The following OCA2 variants were observed in gnomAD, a reference collection of about 807,000 sequenced individuals.
OCA2 encodes P protein.
A neutral mutation model predicts 100.2 loss-of-function variants in OCA2; 77 were observed. The ratio of observed to expected loss-of-function variants is 0.77; its 90% CI spans 0.64 to 0.93. The LOEUF (loss-of-function observed/expected upper bound fraction) is 0.93, where lower values mean the gene tolerates loss of function less well. Ranked by LOEUF, OCA2 falls within the 40% of genes least tolerant of loss-of-function variation. The pLI is 0.00. For synonymous variants in OCA2, 432 were observed against 439.2 expected (o/e 0.98, Z 0.21); for missense variants, 1,062 against 1,089.1 (o/e 0.98, Z 0.35).
At chr15:27,806,006 T>A (rs566943245) in intron 23 of OCA2, among the ~76,000 whole-genome samples, 1 of 152,208 alleles carries the variant, frequency 6.6e-6, no homozygotes, top group African/African-American at 2.4e-5. Flanking sequence ...TGACAAACTA[T>A]TTAGAAAGTA....
chr15:27,876,302 G>A (rs921118798), intron 19 of OCA2, among the ~76,000 whole-genome samples: 2 of 151,942 alleles, frequency 1.3e-5, no homozygotes, highest in African/African-American at 4.8e-5. Context: ...TTGGATTTCT[G>A]GAATAAACTT....
intron 19 of OCA2, among the ~76,000 whole-genome samples, chr15:27,916,345 A>G (rs1337362353): frequency 1.3e-5 from 2 of 152,100 alleles, no homozygotes; most frequent in African/African-American, 4.8e-5. Context: ...CGAACCCAAA[A>G]TGCAAATTGG....
At chr15:28,035,541 T>C (rs1462216635) in intron 2 of OCA2, among the ~76,000 whole-genome samples, 6 of 152,198 alleles carry the variant, frequency 3.9e-5, no homozygotes, top group African/African-American at 1.4e-4. Flanking sequence ...AAAATAAAAA[T>C]GGTGGTCCAC....
chr15:27,734,214 C>T, the OCA2 span, among the ~76,000 whole-genome samples: 11 of 137,426 alleles, frequency 8.0e-5, no homozygotes, highest in African/African-American at 2.5e-4. Flanking sequence ...CAGAATAGTG[C>T]AATCACTCTC....
chr15:27,900,831 C>T lies in OCA2; in HGVS notation c.2079+25296G>A, dbSNP rs115841205. 3.2e-3 allele frequency among the ~76,000 whole-genome samples: 493 copies of T among 152,274 alleles called. 2 individuals carry two copies. Among genetic ancestry groups the T allele is most frequent in the African/African-American group, 0.011 (477 of 41,556 alleles). On this transcript the variant is annotated intron_variant, in intron 19 of 23. Coordinates refer to ENST00000354638, the MANE Select transcript of OCA2 (RefSeq NM_000275.3). Reference sequence around the variant, plus strand: ...CCCAGTTCATGCACACCTTGGCACTCGAGTACAGACACAACACCAAGGTCT... The same window carrying T: ...CCCAGTTCATGCACACCTTGGCACTTGAGTACAGACACAACACCAAGGTCT...
At chr15:27,749,615 T>TAATAA in the OCA2 span, among the ~76,000 whole-genome samples, 7 of 152,166 alleles carry the variant, frequency 4.6e-5, no homozygotes, top group Admixed American at 1.3e-4. Flanking sequence ...TTTTTAATTC[T>TAATAA]GTAACTAATA....
At chr15:27,894,459 G>T (rs560649675) in intron 19 of OCA2, among the ~76,000 whole-genome samples, 1 of 152,212 alleles carries the variant, frequency 6.6e-6, no homozygotes, top group African/African-American at 2.4e-5. Context: ...CTGCTTAGCA[G>T]AATTCGTATA....
At chr15:28,070,333 C>A (rs1405382425) in intron 2 of OCA2, among the ~76,000 whole-genome samples, 1 of 141,762 alleles carries the variant, frequency 7.1e-6, no homozygotes, top group Non-Finnish European at 1.5e-5. Flanking sequence ...GCCCCCCGCC[C>A]GGCCAGCCGC....
intron 19 of OCA2, among the ~76,000 whole-genome samples, chr15:27,913,888 AAAGAAAGCAAGCAAGCAAGCAAGC>A (rs1398073160): frequency 8.7e-5 from 5 of 57,342 alleles, no homozygotes; most frequent in African/African-American, 3.8e-4. Flanking sequence ...AGAAAGAAAG[AAAGAAAGCAAGCAAGCAAGCAAGC>A]AAGCAAGCAA....
intron 6 of OCA2, among the ~76,000 whole-genome samples, chr15:28,019,356 GC>G (rs66666004): frequency 0.54 from 81,678 of 151,398 alleles, 26,991 homozygotes; most frequent in Non-Finnish European, 0.75. Context: ...CAAGGACGGC[GC>G]CCTTAACTGA....
chr15:27,814,737 G>A (rs2034212152), intron 23 of OCA2, among the ~76,000 whole-genome samples: 1 of 152,076 alleles, frequency 6.6e-6, no homozygotes, highest in African/African-American at 2.4e-5. Context: ...AATTAGCTGG[G>A]TGTGGTGATG....
rs752639503 is a variant in OCA2, at chr15:27,950,586, T to C, written c.1951+1198A>G. Reference sequence around the variant, plus strand: ...CCACCTGGCAAGTTGGATTTGAGATTATCAAGAGAAAGAAATGGAGGGGCT... The same window carrying C: ...CCACCTGGCAAGTTGGATTTGAGATCATCAAGAGAAAGAAATGGAGGGGCT... On this transcript the variant is annotated intron_variant, in intron 18 of 23. Coordinates refer to ENST00000354638, the MANE Select transcript of OCA2 (RefSeq NM_000275.3). 2.3e-5 allele frequency: 12 copies of C among 514,258 alleles called. No homozygotes were observed. The East Asian group carries it at 6.6e-4, about 28-fold the overall frequency. The allele number at this position is 514,258 out of a possible 1,614,324, so 31.9% of individuals were successfully genotyped here. A position where few individuals can be genotyped will look rare whatever the true frequency, so the allele number is the denominator to read the frequency against.
intron 2 of OCA2, among the ~76,000 whole-genome samples, chr15:28,056,801 C>A (rs2043713599): frequency 6.6e-6 from 1 of 152,244 alleles, no homozygotes; most frequent in African/African-American, 2.4e-5. Context: ...GGGCTCCACA[C>A]TATATGAATA....
rs1367553457 is a variant in OCA2 at position 28,081,648 on chromosome 15, C to G, written c.227G>C (p.Arg76Thr). ...CAAGATGGCACTATTTTAAACTCAC[C>G]TCCCTTTTGTGAGGAATGAAGCAAA... ...QEFASFLTKG[R>T]SHSSLPQMSS... Residue 76 changes from arginine to threonine, a missense_variant and splice_region_variant, in exon 2 of 24, where the codon AGG (arginine) becomes ACG (threonine). Transcript: ENST00000354638. 6.2e-7 allele frequency: 1 copy of G among 1,613,286 alleles called. No individual in the cohort carries two copies. The highest frequency in any genetic ancestry group is 8.5e-7 in the Non-Finnish European group (1 of 1,179,722).
At chr15:27,971,234 A>G (rs1029776154) in intron 14 of OCA2, among the ~76,000 whole-genome samples, 1 of 152,192 alleles carries the variant, frequency 6.6e-6, no homozygotes, top group Non-Finnish European at 1.5e-5. Context: ...TAGTGGGAAA[A>G]GTATAAAAAG....
the OCA2 span, among the ~76,000 whole-genome samples, chr15:27,737,538 C>A: frequency 1.3e-5 from 2 of 152,054 alleles, no homozygotes; most frequent in African/African-American, 2.4e-5. Flanking sequence ...AACTGAATAT[C>A]CATACCAAAA....
chr15:27,989,670 C>A lies in OCA2; in HGVS notation c.1117-4G>T. 6.2e-7 allele frequency: 1 copy of A among 1,614,004 alleles called. No individual in the cohort carries two copies. The highest frequency in any genetic ancestry group is 2.2e-5 in the East Asian group (1 of 44,854). ...CCACATGGGTCAGGCTGGGTCTCTG[C>A]AATCAAAGCACAAATTTGCCAATTA... is the stretch of plus-strand genomic sequence containing the variant. On this transcript the variant is annotated splice_region_variant and splice_polypyrimidine_tract_variant and intron_variant, in intron 10 of 23. Coordinates refer to ENST00000354638, the MANE Select transcript of OCA2 (RefSeq NM_000275.3).
chr15:28,041,717 G>C (rs2043206854), intron 2 of OCA2, among the ~76,000 whole-genome samples: 1 of 152,166 alleles, frequency 6.6e-6, no homozygotes, highest in African/African-American at 2.4e-5. Context: ...TCACACAATG[G>C]AATTTCACAC....
chr15:27,914,722 C>G (rs2038598008), intron 19 of OCA2, among the ~76,000 whole-genome samples: 1 of 151,956 alleles, frequency 6.6e-6, no homozygotes, highest in African/African-American at 2.4e-5. Flanking sequence ...ATGACACAAA[C>G]AAATGGAAAA....
Sources: allele counts gnomAD v4.1 joint callset (sites outside exome capture counted in the v4.1 genomes callset), GRCh38; gene constraint gnomAD v4.1.1; transcripts MANE v1.5; gene names NCBI Gene and HGNC (gene_info 2026-07-23, HGNC 2026-07-21).